The following PARD3 variants were observed in gnomAD, a reference collection of about 807,000 sequenced individuals.
PARD3 encodes partitioning defective 3 homolog.
Under a neutral mutation model 155.4 loss-of-function variants are expected in PARD3, and 75 were observed. The ratio of observed to expected loss-of-function variants is 0.48; its 90% CI spans 0.40 to 0.58. PARD3 has a LOEUF of 0.58. PARD3 is among the 20% of genes least tolerant of loss of function. PARD3 has a pLI of 0.00. For synonymous variants in PARD3, 576 were observed against 610.5 expected, an observed-to-expected ratio of 0.94 and a Z score of 0.83; for missense variants, 1,642 against 1,721.7, an observed-to-expected ratio of 0.95 and a Z score of 0.82.
chr10:34,664,263 C>A (rs1199315713), intron 2 of PARD3, among the ~76,000 whole-genome samples: 1 of 151,588 alleles, frequency 6.6e-6, no homozygotes, highest in African/African-American at 2.4e-5. Flanking sequence ...AGTGCAGTAG[C>A]GTGATCTCGG....
intron 3 of PARD3, among the ~76,000 whole-genome samples, chr10:34,482,488 G>C (rs2079148283): frequency 6.6e-6 from 1 of 152,000 alleles, no homozygotes; most frequent in Non-Finnish European, 1.5e-5. Context: ...ATTCAAAAAG[G>C]AACAAATCCT....
intron 1 of PARD3, among the ~76,000 whole-genome samples, chr10:34,723,911 T>C (rs1439280889): frequency 1.3e-5 from 2 of 152,284 alleles, no homozygotes; most frequent in Admixed American, 6.5e-5. Flanking sequence ...GCTGGGCTCC[T>C]TTCACTTTCC....
chr10:34,647,170 T>C (rs1212066943), intron 2 of PARD3, among the ~76,000 whole-genome samples: 2 of 152,346 alleles, frequency 1.3e-5, no homozygotes, highest in African/African-American at 4.8e-5. Flanking sequence ...TGAAGATCCA[T>C]CCATTATTCA....
At chr10:34,765,787 T>C (rs1838012553) in intron 1 of PARD3, among the ~76,000 whole-genome samples, 3 of 152,204 alleles carry the variant, frequency 2.0e-5, no homozygotes, top group Admixed American at 2.0e-4. Context: ...ATGGTAGTAT[T>C]AAAGTGGCTA....
intron 4 of PARD3, among the ~76,000 whole-genome samples, chr10:34,469,526 G>A (rs1353336193): frequency 1.3e-5 from 2 of 152,260 alleles, no homozygotes; most frequent in South Asian, 4.1e-4. Flanking sequence ...ATGAAGACTA[G>A]ACAACACACT....
chr10:34,724,356 G>A (rs908477586), intron 1 of PARD3, among the ~76,000 whole-genome samples: 1 of 152,146 alleles, frequency 6.6e-6, no homozygotes, highest in Non-Finnish European at 1.5e-5. Flanking sequence ...TCTTGCAGTG[G>A]TGAAGATAGC....
chr10:34,762,262 G>A (rs1363704008), intron 1 of PARD3, among the ~76,000 whole-genome samples: 1 of 142,552 alleles, frequency 7.0e-6, no homozygotes, highest in Non-Finnish European at 1.5e-5. Flanking sequence ...GGGAGAGGGA[G>A]AGAGAGAGAG....
At chr10:34,618,295 T>C (rs1447267145) in intron 2 of PARD3, among the ~76,000 whole-genome samples, 1 of 152,232 alleles carries the variant, frequency 6.6e-6, no homozygotes, top group African/African-American at 2.4e-5. Flanking sequence ...TCAGAAGATG[T>C]GCAAGTCTCC....
At chr10:34,768,205 G>T (rs1014058630) in intron 1 of PARD3, among the ~76,000 whole-genome samples, 1 of 152,106 alleles carries the variant, frequency 6.6e-6, no homozygotes, top group East Asian at 1.9e-4. Flanking sequence ...CAAAGTTAAG[G>T]ATGCACACCT....
intron 1 of PARD3, among the ~76,000 whole-genome samples, chr10:34,796,320 C>T (rs900532516): frequency 2.0e-5 from 3 of 151,974 alleles, no homozygotes; most frequent in African/African-American, 7.3e-5. Flanking sequence ...CCAAGTGGCA[C>T]GGAAGAATAA....
At chr10:34,489,751 T>C (rs1242026080) in intron 3 of PARD3, among the ~76,000 whole-genome samples, 1 of 152,240 alleles carries the variant, frequency 6.6e-6, no homozygotes, top group Non-Finnish European at 1.5e-5. Flanking sequence ...GCCAATTAAG[T>C]CTGTAATCAC....
At chr10:34,395,985 GC>G (rs1843304239) in intron 7 of PARD3, among the ~76,000 whole-genome samples, 1 of 152,056 alleles carries the variant, frequency 6.6e-6, no homozygotes, top group Non-Finnish European at 1.5e-5. Flanking sequence ...TGTCATTAAT[GC>G]CCCTGATTGA....
intron 1 of PARD3, among the ~76,000 whole-genome samples, chr10:34,700,731 G>T (rs559529129): frequency 1.2e-4 from 19 of 152,234 alleles, no homozygotes; most frequent in Middle Eastern, 6.8e-3. Context: ...CAGTACTTTG[G>T]GAGGCTGAGG....
intron 1 of PARD3, among the ~76,000 whole-genome samples, chr10:34,739,115 A>G: frequency 6.6e-6 from 1 of 152,240 alleles, no homozygotes; most frequent in East Asian, 1.9e-4. Context: ...TTTATTACAT[A>G]AAATGAAGTT....
chr10:34,211,297 C>T (rs977318139), intron 22 of PARD3, among the ~76,000 whole-genome samples: 6 of 152,212 alleles, frequency 3.9e-5, no homozygotes, highest in Admixed American at 3.9e-4. Context: ...ACCCCAAGCC[C>T]TGGTAGGCCC....
At chr10:34,657,193 G>C (rs988542284) in intron 2 of PARD3, among the ~76,000 whole-genome samples, 10 of 151,846 alleles carry the variant, frequency 6.6e-5, no homozygotes, top group African/African-American at 2.4e-4. Flanking sequence ...CCATAAGTTT[G>C]AGATCAGCCT....
At chr10:34,614,569 T>C (rs959769971) in intron 2 of PARD3, among the ~76,000 whole-genome samples, 39 of 152,348 alleles carry the variant, frequency 2.6e-4, no homozygotes, top group South Asian at 8.3e-4. Context: ...ACATGTATTT[T>C]TAAATGTTTT....
chr10:34,357,317 T>G (rs1838990024), intron 14 of PARD3, among the ~76,000 whole-genome samples: 1 of 152,210 alleles, frequency 6.6e-6, no homozygotes, highest in South Asian at 2.1e-4. Context: ...TCTAAAAGAC[T>G]AAGGTGATAC....
intron 23 of PARD3, among the ~76,000 whole-genome samples, chr10:34,123,209 A>C (rs565024649): frequency 6.6e-6 from 1 of 152,358 alleles, no homozygotes; most frequent in African/African-American, 2.4e-5. Context: ...TAAACACACG[A>C]GTATATATTA....
Sources: gnomAD v4.1 joint callset for allele counts (sites outside exome capture counted in the v4.1 genomes callset) on GRCh38, gnomAD v4.1.1 for gene constraint, MANE v1.5 for transcripts, NCBI Gene and HGNC (gene_info 2026-07-23, HGNC 2026-07-21) for gene names.